The following NELL1 variants were observed in gnomAD, a reference collection of about 807,000 sequenced individuals.
NELL1 encodes neural EGFL like 1.
NELL1 carries 76 observed loss-of-function variants against 107.4 expected under a neutral mutation model. The ratio of observed to expected loss-of-function variants is 0.71; its 90% confidence interval spans 0.59 to 0.86. NELL1 has a LOEUF of 0.86. Among genes scored for constraint, NELL1 ranks in the 40% least tolerant of loss-of-function variants. The probability of loss-of-function intolerance (pLI) is 0.00; values close to 1 mark genes in which losing one functional copy is unlikely to be tolerated. For synonymous variants in NELL1, 353 were observed against 341.2 expected (o/e 1.03, Z -0.38); for missense variants, 1,024 against 1,005.5 (o/e 1.02, Z -0.25).
intron 3 of NELL1, among the ~76,000 whole-genome samples, chr11:20,809,235 A>T (rs1857448840): frequency 1.3e-5 from 2 of 152,292 alleles, no homozygotes; most frequent in South Asian, 4.1e-4. Context: ...AATCCTTTTT[A>T]AAAAAGTATG....
At chr11:21,099,233 A>G (rs1439476292) in intron 12 of NELL1, among the ~76,000 whole-genome samples, 1 of 84,978 alleles carries the variant, frequency 1.2e-5, no homozygotes, top group Non-Finnish European at 2.5e-5. Flanking sequence ...ACACACACAC[A>G]AACACACACA....
chr11:21,511,057 C>G (rs1001275557), intron 15 of NELL1, among the ~76,000 whole-genome samples: 1 of 152,066 alleles, frequency 6.6e-6, no homozygotes. Flanking sequence ...ATAATAGTAG[C>G]TATTCCATCA....
At chr11:21,551,468 G>C (rs185018277) in intron 16 of NELL1, among the ~76,000 whole-genome samples, 1 of 151,996 alleles carries the variant, frequency 6.6e-6, no homozygotes, top group East Asian at 2.0e-4. Context: ...GTATGATATT[G>C]GCTGTAAGGA....
intron 2 of NELL1, among the ~76,000 whole-genome samples, chr11:20,683,399 C>T (rs11025694): frequency 0.1 from 15,184 of 151,862 alleles, 899 homozygotes; most frequent in Non-Finnish European, 0.13. Flanking sequence ...GGTATACAAA[C>T]GATCCCATCA....
chr11:21,169,493 A>G (rs779341204), intron 13 of NELL1, among the ~76,000 whole-genome samples: 2 of 151,846 alleles, frequency 1.3e-5, no homozygotes, highest in Non-Finnish European at 2.9e-5. Context: ...TCTGTTGCTG[A>G]TGTTACTGTT....
intron 15 of NELL1, among the ~76,000 whole-genome samples, chr11:21,489,616 C>T (rs542780403): frequency 2.0e-5 from 3 of 151,934 alleles, no homozygotes; most frequent in Admixed American, 6.6e-5. Context: ...GTGGGATTTA[C>T]ACCAGGACTG....
chr11:20,887,926 C>G (rs934077923), intron 5 of NELL1, among the ~76,000 whole-genome samples: 5 of 152,006 alleles, frequency 3.3e-5, no homozygotes, highest in African/African-American at 1.2e-4. Flanking sequence ...CTCAGTTAGT[C>G]CTCACAGGGC....
intron 13 of NELL1, among the ~76,000 whole-genome samples, chr11:21,125,048 G>A (rs1855458183): frequency 6.6e-6 from 1 of 152,138 alleles, no homozygotes; most frequent in South Asian, 2.1e-4. Flanking sequence ...TTTAACATGA[G>A]TTTTGGGGGA....
Position 20,726,263 on chromosome 11 carries a change from G to A in NELL1, c.184+48203G>A, listed in dbSNP as rs558799088. On this transcript the variant is annotated intron_variant, in intron 2 of 19. Coordinates refer to ENST00000357134, the MANE Select transcript of NELL1 (RefSeq NM_006157.5). ...TTTTTTGGGATATATACCCAGCAATGGGATTGTTGCATCAAATGGTAGTTT... is the reference window on the plus strand; with the variant it reads ...TTTTTTGGGATATATACCCAGCAATAGGATTGTTGCATCAAATGGTAGTTT... Among the ~76,000 whole-genome samples the A allele has an allele frequency of 9.9e-5, 15 of 152,246 alleles. 1 individual carries two copies. In the East Asian group the frequency reaches 2.7e-3, roughly 27 times the overall value.
intron 14 of NELL1, among the ~76,000 whole-genome samples, chr11:21,251,931 G>C (rs192129066): frequency 1.4e-3 from 215 of 152,204 alleles, no homozygotes; most frequent in African/African-American, 5.0e-3. Flanking sequence ...GGAAAATCAA[G>C]GGCAAGAACA....
At chr11:20,744,718 C>G (rs1415128049) in intron 2 of NELL1, among the ~76,000 whole-genome samples, 1 of 152,220 alleles carries the variant, frequency 6.6e-6, no homozygotes, top group East Asian at 1.9e-4. Context: ...TATATCACAT[C>G]TATTTATGCT....
intron 5 of NELL1, among the ~76,000 whole-genome samples, chr11:20,903,490 A>G (rs2134135475): frequency 6.6e-6 from 1 of 152,102 alleles, no homozygotes; most frequent in East Asian, 1.9e-4. Context: ...TTTTTTCACA[A>G]CCTTCTTATT....
At chr11:20,782,323 G>A (rs1856867382) in intron 2 of NELL1, among the ~76,000 whole-genome samples, 1 of 152,204 alleles carries the variant, frequency 6.6e-6, no homozygotes. Context: ...GTCTGCCTGG[G>A]TTGGGTGTCT....
intron 14 of NELL1, among the ~76,000 whole-genome samples, chr11:21,277,562 G>A (rs1311520772): frequency 6.6e-6 from 1 of 152,064 alleles, no homozygotes; most frequent in Admixed American, 6.6e-5. Context: ...TATACCCAAA[G>A]GATTATAAAT....
At chr11:21,158,040 G>A (rs2133795688) in intron 13 of NELL1, among the ~76,000 whole-genome samples, 1 of 152,190 alleles carries the variant, frequency 6.6e-6, no homozygotes, top group Non-Finnish European at 1.5e-5. Context: ...CTGCCAGTGT[G>A]GCTAGGATAA....
At chr11:21,212,215 T>C (rs957731223) in intron 13 of NELL1, among the ~76,000 whole-genome samples, 3 of 152,188 alleles carry the variant, frequency 2.0e-5, no homozygotes, top group East Asian at 1.9e-4. Flanking sequence ...CCTGTCCCCA[T>C]TTATTCATTT....
Position 21,410,966 on chromosome 11 carries a change from G to T in NELL1, c.1645+40018G>T, listed in dbSNP as rs183614972. Among the ~76,000 whole-genome samples the T allele has an allele frequency of 4.4e-4, 67 of 152,120 alleles. 1 individual carries two copies. The East Asian group carries it at 0.011, about 25-fold the overall frequency. On this transcript the variant is annotated intron_variant, in intron 15 of 19. Coordinates refer to ENST00000357134, the MANE Select transcript of NELL1 (RefSeq NM_006157.5). ...TTCATATGGTGATATCTTCTGAAGAGAATATAGCCTGGCCAGTTTGTTTCC... is the reference window on the plus strand; with the variant it reads ...TTCATATGGTGATATCTTCTGAAGATAATATAGCCTGGCCAGTTTGTTTCC...
chr11:21,026,015 G>C (rs1158282148), intron 12 of NELL1, among the ~76,000 whole-genome samples: 1 of 152,058 alleles, frequency 6.6e-6, no homozygotes, highest in African/African-American at 2.4e-5. Flanking sequence ...GACTCTATCT[G>C]GTCACATCTT....
chr11:21,306,449 T>C (rs774413458), intron 14 of NELL1, among the ~76,000 whole-genome samples: 76 of 152,080 alleles, frequency 5.0e-4, no homozygotes, highest in Non-Finnish European at 8.8e-4. Context: ...TGATTCTTAC[T>C]GAAGTATAAT....
Sources: gnomAD v4.1 joint callset for allele counts (sites outside exome capture counted in the v4.1 genomes callset) on GRCh38, gnomAD v4.1.1 for gene constraint, MANE v1.5 for transcripts, NCBI Gene and HGNC (gene_info 2026-07-23, HGNC 2026-07-21) for gene names.